Variants in THSD7A observed in about 807,000 individuals in gnomAD.
THSD7A encodes thrombospondin type 1 domain containing 7A, also known as thrombospondin type-1 domain-containing protein 7A.
THSD7A carries 96 observed loss-of-function variants against 231.3 expected under a neutral mutation model. The observed-to-expected ratio is 0.41, with a 90% CI of 0.35 to 0.49. The LOEUF is 0.49. Ranked by LOEUF, THSD7A falls within the 20% of genes least tolerant of loss-of-function variation. The pLI is 0.05. For missense variants in THSD7A, 2,290 were observed against 2,070.2 expected, an observed-to-expected ratio of 1.11 and a Z score of -2.06; for synonymous variants, 940 against 743.3, an observed-to-expected ratio of 1.26 and a Z score of -4.30.
intron 24 of THSD7A, among the ~76,000 whole-genome samples, chr7:11,382,172 A>G (rs1404283789): frequency 6.6e-6 from 1 of 152,182 alleles, no homozygotes; most frequent in Non-Finnish European, 1.5e-5. Context: ...CAGAAGCAGA[A>G]AGTCAAAAAA....
chr7:11,670,457 T>C (rs1222161523), intron 1 of THSD7A, among the ~76,000 whole-genome samples: 1 of 152,226 alleles, frequency 6.6e-6, no homozygotes, highest in Non-Finnish European at 1.5e-5. Context: ...AGCAGTAGAA[T>C]ATTTGTATTC....
chr7:11,412,559 C>A, intron 18 of THSD7A, 97 bp downstream of exon 18: 1 of 1,391,412 alleles, frequency 7.2e-7, no homozygotes, highest in Admixed American at 2.1e-5. Context: ...ATCCAAAAGG[C>A]ACACAGGTAG....
At chr7:11,501,303 C>G (rs796727063) in intron 6 of THSD7A, among the ~76,000 whole-genome samples, 51 of 152,284 alleles carry the variant, frequency 3.3e-4, no homozygotes, top group African/African-American at 1.2e-3. Flanking sequence ...ACAGAAATCT[C>G]CACCCAAAAG....
intron 6 of THSD7A, among the ~76,000 whole-genome samples, chr7:11,518,859 C>A (rs1021622619): frequency 9.9e-5 from 15 of 152,034 alleles, no homozygotes; most frequent in African/African-American, 3.6e-4. Context: ...GAGTTAAGAA[C>A]AGAGGATCAT....
intron 23 of THSD7A, 78 bp from the exon 24 acceptor site, chr7:11,382,694 A>AGTAATATGT: frequency 1.8e-6 from 2 of 1,084,332 alleles, no homozygotes; most frequent in Non-Finnish European, 2.8e-6. Context: ...TATTAATAAC[A>AGTAATATGT]TATTACTGAA....
At chr7:11,710,777 T>A (rs192350647) in intron 1 of THSD7A, among the ~76,000 whole-genome samples, 2 of 151,072 alleles carry the variant, frequency 1.3e-5, no homozygotes, top group East Asian at 3.9e-4. Flanking sequence ...TTACAGACTA[T>A]CATGTACTTT....
intron 13 of THSD7A, among the ~76,000 whole-genome samples, chr7:11,439,529 C>A (rs956389009): frequency 1.8e-4 from 27 of 151,910 alleles, no homozygotes; most frequent in African/African-American, 6.3e-4. Context: ...GTTGTGAATG[C>A]AAAGAAAAAC....
chr7:11,711,678 G>T (rs1234568099), intron 1 of THSD7A, among the ~76,000 whole-genome samples: 1 of 151,012 alleles, frequency 6.6e-6, no homozygotes, highest in Non-Finnish European at 1.5e-5. Context: ...ATTTCAACTG[G>T]TTACTTCCCA....
At chr7:11,511,136 A>G (rs1241863983) in intron 6 of THSD7A, among the ~76,000 whole-genome samples, 2 of 152,182 alleles carry the variant, frequency 1.3e-5, no homozygotes, top group African/African-American at 4.8e-5. Context: ...CTATACGCCA[A>G]TAACAGACAA....
At chr7:11,824,663 C>A (rs1784973610) in intron 1 of THSD7A, among the ~76,000 whole-genome samples, 1 of 152,058 alleles carries the variant, frequency 6.6e-6, no homozygotes, top group South Asian at 2.1e-4. Flanking sequence ...ATCCAACCAA[C>A]CAATATAGTT....
At chr7:11,554,092 C>T (rs1320746462) in intron 4 of THSD7A, among the ~76,000 whole-genome samples, 1 of 152,002 alleles carries the variant, frequency 6.6e-6, no homozygotes, top group Non-Finnish European at 1.5e-5. Context: ...TACAATATTA[C>T]AGCCAGAATA....
chr7:11,614,877 T>C (rs73676048), intron 2 of THSD7A, among the ~76,000 whole-genome samples: 2,302 of 152,230 alleles, frequency 0.015, 51 homozygotes, highest in African/African-American at 0.052. Flanking sequence ...CTAATGAGAC[T>C]TTGGGGAGAA....
chr7:11,822,156 A>T (rs935044966), intron 1 of THSD7A, among the ~76,000 whole-genome samples: 1 of 152,116 alleles, frequency 6.6e-6, no homozygotes, highest in Non-Finnish European at 1.5e-5. Flanking sequence ...CAACTAACGC[A>T]CATTGCACCC....
intron 13 of THSD7A, among the ~76,000 whole-genome samples, chr7:11,431,280 A>G (rs1784470250): frequency 6.6e-6 from 1 of 152,198 alleles, no homozygotes; most frequent in Non-Finnish European, 1.5e-5. Flanking sequence ...TACCAAAGTC[A>G]AGGTCATCTA....
At chr7:11,671,146 G>T (rs970906454) in intron 1 of THSD7A, among the ~76,000 whole-genome samples, 2 of 152,176 alleles carry the variant, frequency 1.3e-5, no homozygotes, top group African/African-American at 4.8e-5. Context: ...GTAAACAGTG[G>T]AAATGGAAAG....
intron 6 of THSD7A, among the ~76,000 whole-genome samples, chr7:11,510,970 A>G (rs951702430): frequency 1.3e-5 from 2 of 148,942 alleles, no homozygotes; most frequent in African/African-American, 2.4e-5. Flanking sequence ...AGGGTATTCA[A>G]TTAGGAAAAG....
chr7:11,796,291 T>TA (rs563131203), intron 1 of THSD7A, among the ~76,000 whole-genome samples: 1 of 151,488 alleles, frequency 6.6e-6, no homozygotes, highest in South Asian at 2.1e-4. Context: ...CTGTTTTACC[T>TA]AAAATCATAT....
At chr7:11,424,673 T>G in intron 16 of THSD7A, 23 bp downstream of exon 16, 1 of 1,613,588 alleles carries the variant, frequency 6.2e-7, no homozygotes. Context: ...CTTGCTTTTC[T>G]GTATAATTAG....
At chr7:11,683,859 T>A (rs1048966529) in intron 1 of THSD7A, among the ~76,000 whole-genome samples, 3 of 151,986 alleles carry the variant, frequency 2.0e-5, no homozygotes, top group Non-Finnish European at 4.4e-5. Context: ...GGAATTCCTC[T>A]GTAACTCATT....
Sources: allele counts gnomAD v4.1 joint callset (sites outside exome capture counted in the v4.1 genomes callset), GRCh38; gene constraint gnomAD v4.1.1; transcripts MANE v1.5; gene names NCBI Gene and HGNC (gene_info 2026-07-23, HGNC 2026-07-21).